The following GSK3B variants were observed in gnomAD, a reference collection of about 807,000 sequenced individuals.
The protein encoded by GSK3B is glycogen synthase kinase-3 beta.
A neutral mutation model predicts 56.4 loss-of-function variants in GSK3B; 15 were observed. That is an observed-to-expected ratio of 0.27 (90% CI 0.18 to 0.41). The LOEUF (loss-of-function observed/expected upper bound fraction) is 0.41. Ranked by LOEUF, GSK3B falls within the 10% of genes least tolerant of loss-of-function variation. GSK3B has a pLI of 1.00. For synonymous variants in GSK3B, 181 were observed against 188.9 expected (o/e 0.96, Z 0.34); for missense variants, 300 against 513.4 (o/e 0.58, Z 4.02).
At chr3:119,906,871 C>T (rs1032129035) in intron 6 of GSK3B, among the ~76,000 whole-genome samples, 2 of 152,084 alleles carry the variant, frequency 1.3e-5, no homozygotes, top group African/African-American at 4.8e-5. Flanking sequence ...GATGTACTAT[C>T]AAGAGAGACT....
Position 119,863,533 on chromosome 3 carries a change from G to A in GSK3B, c.982C>T (p.Arg328Ter), listed in dbSNP as rs753950587. ...GCACAAGCTTCCAGTGGTGTTAGTCGGGCAGTTGGTGTATACTCCAGCAGA... is the reference window on the plus strand; with the variant it reads ...GCACAAGCTTCCAGTGGTGTTAGTCAGGCAGTTGGTGTATACTCCAGCAGA... ...SRLLEYTPTA[R>*]LTPLEACAHS... The change falls in exon 9 of 11, where the codon CGA (arginine) becomes TGA (stop). Residue 328 changes from arginine (R) to a stop codon, truncating the protein, a stop_gained. Coordinates refer to ENST00000264235, the MANE Select transcript of GSK3B (RefSeq NM_001146156.2). LOFTEE classifies it high-confidence loss of function. 6.2e-7 allele frequency: 1 copy of A among 1,613,306 alleles called. No homozygotes were observed. The highest frequency in any genetic ancestry group is 8.5e-7 in the Non-Finnish European group (1 of 1,179,374).
intron 1 of GSK3B, among the ~76,000 whole-genome samples, chr3:120,008,953 A>G (rs1207457643): frequency 6.6e-6 from 1 of 152,192 alleles, no homozygotes; most frequent in African/African-American, 2.4e-5. Context: ...GGGCTAATAT[A>G]AAGAATCTAC....
intron 10 of GSK3B, among the ~76,000 whole-genome samples, chr3:119,837,741 TG>T (rs976540159): frequency 1.9e-4 from 29 of 151,782 alleles, no homozygotes; most frequent in Admixed American, 1.7e-3. Flanking sequence ...CTCTCTAAAA[TG>T]GTTTGTATTT....
intron 1 of GSK3B, among the ~76,000 whole-genome samples, chr3:120,048,543 G>A (rs1366261688): frequency 6.6e-6 from 1 of 152,174 alleles, no homozygotes; most frequent in Non-Finnish European, 1.5e-5. Context: ...CTGTTAAGCA[G>A]GGATAATAGA....
chr3:119,912,861 C>CTT, intron 5 of GSK3B, 51 bp from the exon 6 acceptor site: 4 of 830,882 alleles, frequency 4.8e-6, no homozygotes, highest in Middle Eastern at 2.4e-4. Flanking sequence ...AAATCTAAAC[C>CTT]TTAAAGAACT....
At position 120,093,602 on chromosome 3, in the gene GSK3B, A is replaced by C; in HGVS notation, c.-168T>G. ...TTCACTCCTTTTGTATACTATAAAA[A>C]ACAAAACAAGCGATATATTTCTCCT... is the stretch of plus-strand genomic sequence containing the variant. On this transcript the variant is annotated 5_prime_UTR_variant, in exon 1 of 11. Coordinates refer to ENST00000264235, the MANE Select transcript of GSK3B (RefSeq NM_001146156.2). The C allele has an allele frequency of 3.7e-6, 2 of 541,436 alleles. No homozygotes were observed. Among genetic ancestry groups the C allele is most frequent in the Non-Finnish European group, 6.7e-6 (2 of 299,064 alleles). 33.5% of individuals were successfully genotyped at this position (541,436 alleles called of 1,614,324 possible).
At chr3:119,982,252 G>T (rs1293003096) in intron 2 of GSK3B, among the ~76,000 whole-genome samples, 1 of 152,202 alleles carries the variant, frequency 6.6e-6, no homozygotes, top group Non-Finnish European at 1.5e-5. Context: ...CCACAAAGAT[G>T]AGGAGAACCA....
chr3:120,035,969 TCCTG>T (rs1441045359), intron 1 of GSK3B, among the ~76,000 whole-genome samples: 1 of 152,222 alleles, frequency 6.6e-6, no homozygotes, highest in African/African-American at 2.4e-5. Context: ...TTACTTCTTT[TCCTG>T]CCTAATTGCT....
chr3:119,866,763 G>C, intron 8 of GSK3B: 1 of 609,590 alleles, frequency 1.6e-6, no homozygotes, highest in Non-Finnish European at 2.9e-6. Flanking sequence ...TGTTTATACA[G>C]TTATAAACTT....
intron 8 of GSK3B, 107 bp from the exon 9 acceptor site, chr3:119,863,712 G>C: frequency 1.4e-6 from 1 of 702,412 alleles, no homozygotes; most frequent in Non-Finnish European, 2.4e-6. Flanking sequence ...AAACATGGTT[G>C]CATTTGGGAA....
At chr3:120,001,085 C>T (rs1003120324) in intron 2 of GSK3B, among the ~76,000 whole-genome samples, 4 of 151,706 alleles carry the variant, frequency 2.6e-5, no homozygotes, top group African/African-American at 7.3e-5. Context: ...CCACCATACC[C>T]GGCTAATTTT....
In GSK3B at chr3:119,990,148, A is replaced by G. The variant is rs555546206; in HGVS notation, c.282+11898T>C. Among the ~76,000 whole-genome samples, 228 of 152,170 alleles carry G rather than the reference A, an allele frequency of 1.5e-3. 1 individual carries two copies. Among genetic ancestry groups the G allele is most frequent in the Non-Finnish European group, 2.1e-3 (144 of 68,026 alleles). On this transcript the variant is annotated intron_variant, in intron 2 of 10. Transcript: ENST00000264235. ...ACATTCCAAACTCCTCCCTGACCAG[A>G]GACATGCTAGCCCCGAAATAAACCC...
intron 1 of GSK3B, among the ~76,000 whole-genome samples, chr3:120,023,463 T>C (rs2057896940): frequency 6.6e-6 from 1 of 151,856 alleles, no homozygotes; most frequent in South Asian, 2.1e-4. Flanking sequence ...TAAATACCCA[T>C]GTGAAGAGTC....
intron 2 of GSK3B, among the ~76,000 whole-genome samples, chr3:119,983,454 G>A (rs139685085): frequency 2.0e-5 from 3 of 151,818 alleles, no homozygotes; most frequent in African/African-American, 7.3e-5. Flanking sequence ...CTGTATTCAG[G>A]AGACCCATCT....
intron 3 of GSK3B, among the ~76,000 whole-genome samples, chr3:119,935,055 T>C (rs928794144): frequency 5.9e-5 from 9 of 152,100 alleles, no homozygotes; most frequent in Non-Finnish European, 1.3e-4. Context: ...ACCACCTCAT[T>C]TGCTGTCAGT....
intron 1 of GSK3B, among the ~76,000 whole-genome samples, chr3:120,056,567 T>C (rs370339333): frequency 1.3e-5 from 2 of 152,164 alleles, no homozygotes; most frequent in South Asian, 2.1e-4. Context: ...CTCGAACTCC[T>C]GACCTCAAGT....
chr3:119,993,145 GAA>G (rs57361961), intron 2 of GSK3B, among the ~76,000 whole-genome samples: 2 of 131,120 alleles, frequency 1.5e-5, no homozygotes, highest in Non-Finnish European at 1.7e-5. Context: ...GTGTAAGGAA[GAA>G]AAAAAAAAAA....
rs1030993937 is a variant in GSK3B, at chr3:119,824,322, CAT to C, written c.*2464_*2465del. On this transcript the variant is annotated 3_prime_UTR_variant, in exon 11 of 11. Transcript: ENST00000264235. ...TGATCCTTGAGAAAGAAAAATCACA[CAT>C]CTCAGCACACACACACACACACACA... is the stretch of plus-strand genomic sequence containing the variant. 2 of 184,534 alleles carry C rather than the reference CAT, an allele frequency of 1.1e-5. No individual in the cohort carries two copies. The highest frequency in any genetic ancestry group is 7.1e-5 in the East Asian group (1 of 14,010). The allele number at this position is 184,534 out of a possible 1,614,324, so 11.4% of individuals were successfully genotyped here.
chr3:119,994,155 C>T (rs1182988775), intron 2 of GSK3B, among the ~76,000 whole-genome samples: 2 of 152,126 alleles, frequency 1.3e-5, no homozygotes, highest in East Asian at 1.9e-4. Context: ...AGCCACTGCA[C>T]CTGGCCTGAA....
Sources: allele counts gnomAD v4.1 joint callset (sites outside exome capture counted in the v4.1 genomes callset), GRCh38; gene constraint gnomAD v4.1.1; transcripts MANE v1.5; gene names NCBI Gene and HGNC (gene_info 2026-07-23, HGNC 2026-07-21).